Variants in ATE1 observed in about 807,000 individuals in gnomAD.
The protein encoded by ATE1 is arginyltransferase 1, also known as arginyl-tRNA--protein transferase 1.
A neutral mutation model predicts 70.5 loss-of-function variants in ATE1; 36 were observed. The ratio of observed to expected loss-of-function variants is 0.51; its 90% CI spans 0.39 to 0.67. The LOEUF is 0.67. Ranked by LOEUF, ATE1 falls within the 30% of genes least tolerant of loss-of-function variation. ATE1 has a pLI of 0.00. For synonymous variants in ATE1, 232 were observed against 219.3 expected, an observed-to-expected ratio of 1.06 and a Z score of -0.51; for missense variants, 593 against 629.5, an observed-to-expected ratio of 0.94 and a Z score of 0.62.
Position 121,741,772 on chromosome 10 carries a change from G to A in ATE1, c.*1908C>T, listed in dbSNP as rs1360917600. On this transcript the variant is annotated 3_prime_UTR_variant, in exon 12 of 12. Transcript: ENST00000224652. ...ATTTCAGACATGTCCATAATTTACT[G>A]TTGAGGAAATAAAACAGCATGTAGA... The A allele has an allele frequency of 6.6e-6, 1 of 152,152 alleles. No individual in the cohort carries two copies. Among genetic ancestry groups the A allele is most frequent in the Non-Finnish European group, 1.5e-5 (1 of 68,022 alleles). The allele number at this position is 152,152 out of a possible 1,614,324, so 9.4% of individuals were successfully genotyped here.
intron 7 of ATE1, among the ~76,000 whole-genome samples, chr10:121,881,234 A>G (rs991291414): frequency 1.3e-5 from 2 of 152,130 alleles, no homozygotes; most frequent in Non-Finnish European, 2.9e-5. Context: ...TTCATTCAAA[A>G]CATGTTCACT....
chr10:121,844,781 G>A (rs1948753610), intron 8 of ATE1, among the ~76,000 whole-genome samples: 2 of 151,996 alleles, frequency 1.3e-5, no homozygotes, highest in Non-Finnish European at 2.9e-5. Flanking sequence ...ACACACACAC[G>A]AGAAACTTTA....
At chr10:121,899,104 T>A in intron 7 of ATE1, 1 of 950,794 alleles carries the variant, frequency 1.1e-6, no homozygotes, top group Non-Finnish European at 1.5e-6. Flanking sequence ...AAAGAAACCT[T>A]AGACGAGGCA....
At chr10:121,759,291 A>G (rs1184738983) in intron 11 of ATE1, among the ~76,000 whole-genome samples, 2 of 152,232 alleles carry the variant, frequency 1.3e-5, no homozygotes, top group African/African-American at 2.4e-5. Flanking sequence ...CTCTTAACTC[A>G]ATGCCTAATT....
At chr10:121,858,361 A>G (rs919845090) in intron 8 of ATE1, among the ~76,000 whole-genome samples, 3 of 151,932 alleles carry the variant, frequency 2.0e-5, no homozygotes, top group Non-Finnish European at 2.9e-5. Context: ...TTTTTTTATA[A>G]TAACCCACCA....
At chr10:121,800,348 G>T (rs983537468) in intron 10 of ATE1, among the ~76,000 whole-genome samples, 3 of 152,170 alleles carry the variant, frequency 2.0e-5, no homozygotes, top group African/African-American at 7.2e-5. Flanking sequence ...GGATGGGCTT[G>T]GCCGATTGCA....
intron 1 of ATE1, chr10:121,927,014 C>T (rs1952119681): frequency 1.0e-6 from 1 of 985,418 alleles, no homozygotes; most frequent in Non-Finnish European, 1.2e-6. Flanking sequence ...TGGAAAATGC[C>T]TGTGTGTTTT....
chr10:121,817,412 GCCTGTAGTC>G (rs1007472311), intron 10 of ATE1, among the ~76,000 whole-genome samples: 1 of 152,082 alleles, frequency 6.6e-6, no homozygotes, highest in Admixed American at 6.5e-5. Flanking sequence ...AGTGGCGGGC[GCCTGTAGTC>G]CCAGCTACTC....
At chr10:121,855,715 T>C (rs11200192) in intron 8 of ATE1, among the ~76,000 whole-genome samples, 44,953 of 152,076 alleles carry the variant, frequency 0.3, 7,188 homozygotes, top group South Asian at 0.43. Flanking sequence ...AATTAAAATA[T>C]TCTCCAAATT....
Position 121,924,254 on chromosome 10 carries a change from T to C in ATE1, c.170+12A>G, listed in dbSNP as rs909623931. On this transcript the variant is annotated intron_variant, in intron 2 of 11. Coordinates refer to ENST00000224652, the MANE Select transcript of ATE1 (RefSeq NM_001001976.3). ...TAACAGTAGGAAGTCTCTTTGTATC[T>C]GGAAGCTTTACCTTCGCCATCCTCG... 6.2e-7 allele frequency: 1 copy of C among 1,612,188 alleles called. No individual in the cohort carries two copies. Among genetic ancestry groups the C allele is most frequent in the African/African-American group, 1.3e-5 (1 of 74,902 alleles).
chr10:121,851,953 G>A (rs1334679701), intron 8 of ATE1, among the ~76,000 whole-genome samples: 1 of 152,164 alleles, frequency 6.6e-6, no homozygotes, highest in Non-Finnish European at 1.5e-5. Flanking sequence ...ATATTAATAG[G>A]CTAGTTCTGG....
chr10:121,821,217 T>C (rs1032436446), intron 10 of ATE1, among the ~76,000 whole-genome samples: 7 of 152,202 alleles, frequency 4.6e-5, no homozygotes, highest in Admixed American at 2.0e-4. Context: ...GTGCTGAGAT[T>C]CCTGATGTGA....
In ATE1 at chr10:121,742,455, G is replaced by T. The variant is rs1377086931; in HGVS notation, c.*1225C>A. 1 of 152,178 alleles carries T rather than the reference G, an allele frequency of 6.6e-6. No individual in the cohort carries two copies. Among genetic ancestry groups the T allele is most frequent in the African/African-American group, 2.4e-5 (1 of 41,428 alleles). 9.4% of individuals were successfully genotyped at this position (152,178 alleles called of 1,614,324 possible). A position where few individuals can be genotyped will look rare whatever the true frequency, so the allele number is the denominator to read the frequency against. ...GGCCAAATAGCTGGTAGCAGAAGAGGGGATCAGCTGACAAAGAGGGCACAA... is the reference window on the plus strand; with the variant it reads ...GGCCAAATAGCTGGTAGCAGAAGAGTGGATCAGCTGACAAAGAGGGCACAA... On this transcript the variant is annotated 3_prime_UTR_variant, in exon 12 of 12. Coordinates refer to ENST00000224652, the MANE Select transcript of ATE1 (RefSeq NM_001001976.3).
intron 10 of ATE1, among the ~76,000 whole-genome samples, chr10:121,801,541 CAAAG>C (rs1178983625): frequency 3.1e-5 from 3 of 96,346 alleles, no homozygotes; most frequent in African/African-American, 7.6e-5. Context: ...AAGATGAAGA[CAAAG>C]AAGATAATAT....
intron 10 of ATE1, among the ~76,000 whole-genome samples, chr10:121,822,119 A>T (rs1670078223): frequency 6.6e-6 from 1 of 152,204 alleles, no homozygotes; most frequent in African/African-American, 2.4e-5. Flanking sequence ...CTGCACTTAT[A>T]TTAGCCAAAA....
At chr10:121,895,259 A>AT (rs1950735129) in intron 7 of ATE1, among the ~76,000 whole-genome samples, 1 of 152,204 alleles carries the variant, frequency 6.6e-6, no homozygotes, top group South Asian at 2.1e-4. Flanking sequence ...ACACATCCAC[A>AT]TAAAAACGTG....
intron 8 of ATE1, among the ~76,000 whole-genome samples, chr10:121,859,920 G>C (rs191240764): frequency 1.3e-5 from 2 of 152,160 alleles, no homozygotes; most frequent in African/African-American, 2.4e-5. Context: ...CAGACTGGGC[G>C]ACACAGTGAG....
At position 121,789,296 on chromosome 10, in the gene ATE1, C is replaced by CTTTTTTTTT. The variant is rs3036893; in HGVS notation, c.1378+864_1378+872dup. Among the ~76,000 whole-genome samples the CTTTTTTTTT allele has an allele frequency of 3.6e-4, 33 of 92,686 alleles. 2 individuals are homozygous for CTTTTTTTTT. The highest frequency in any genetic ancestry group is 4.0e-4 in the Non-Finnish European group (20 of 50,386). 60.8% of individuals were successfully genotyped at this position (92,686 alleles called of 152,430 possible). ...CAGGAAGCCTAACTCCAGGGCTATG[C>CTTTTTTTTT]TTTTTTTTTTTTTTTTTTTTGAGAC... On this transcript the variant is annotated intron_variant, in intron 11 of 11. Coordinates refer to ENST00000224652, the MANE Select transcript of ATE1 (RefSeq NM_001001976.3).
intron 8 of ATE1, among the ~76,000 whole-genome samples, chr10:121,861,663 T>C (rs568025644): frequency 1.3e-5 from 2 of 148,908 alleles, no homozygotes; most frequent in African/African-American, 5.0e-5. Flanking sequence ...GACGAGTTAG[T>C]GGGTGCAGCG....
Sources: allele counts gnomAD v4.1 joint callset (sites outside exome capture counted in the v4.1 genomes callset), GRCh38; gene constraint gnomAD v4.1.1; transcripts MANE v1.5; gene names NCBI Gene and HGNC (gene_info 2026-07-23, HGNC 2026-07-21).